The following L3MBTL4 variants were observed in gnomAD, a reference collection of about 807,000 sequenced individuals.
L3MBTL4 encodes lethal(3)malignant brain tumor-like protein 4.
L3MBTL4 carries 70 observed loss-of-function variants against 84.5 expected under a neutral mutation model. The ratio of observed to expected loss-of-function variants is 0.83; its 90% CI spans 0.68 to 1.01. L3MBTL4 has a LOEUF of 1.01. Among genes scored for constraint, L3MBTL4 ranks in the 50% least tolerant of loss-of-function variants. The probability of loss-of-function intolerance (pLI) is 0.00; values close to 1 mark genes in which losing one functional copy is unlikely to be tolerated. For synonymous variants in L3MBTL4, 274 were observed against 259.8 expected, an observed-to-expected ratio of 1.05 and a Z score of -0.52; for missense variants, 715 against 754.8, an observed-to-expected ratio of 0.95 and a Z score of 0.62.
chr18:6,298,643 C>T (rs983785933), intron 4 of L3MBTL4, among the ~76,000 whole-genome samples: 7 of 152,090 alleles, frequency 4.6e-5, no homozygotes, highest in Non-Finnish European at 8.8e-5. Flanking sequence ...GAGGCCAAGG[C>T]GGGTGGATCA....
chr18:6,139,007 T>C (rs1326530434), intron 13 of L3MBTL4, among the ~76,000 whole-genome samples: 2 of 152,234 alleles, frequency 1.3e-5, no homozygotes, highest in African/African-American at 4.8e-5. Flanking sequence ...GGACAGAAAC[T>C]GGGCCAGCAA....
chr18:6,407,398 A>G (rs931053112), intron 1 of L3MBTL4, among the ~76,000 whole-genome samples: 2 of 143,062 alleles, frequency 1.4e-5, no homozygotes, highest in African/African-American at 6.1e-5. Context: ...GAGAAAGGGG[A>G]AAAAAAATCA....
chr18:6,226,397 T>G (rs894386904), intron 10 of L3MBTL4, among the ~76,000 whole-genome samples: 5 of 152,090 alleles, frequency 3.3e-5, no homozygotes, highest in East Asian at 1.9e-4. Flanking sequence ...CAGAGTGAGA[T>G]TCTGCCTCCA....
intron 14 of L3MBTL4, among the ~76,000 whole-genome samples, chr18:6,105,770 A>C (rs1292258679): frequency 6.6e-6 from 1 of 150,872 alleles, no homozygotes; most frequent in Non-Finnish European, 1.5e-5. Flanking sequence ...ATTGCACTCC[A>C]GCATGGGCAA....
At chr18:6,245,349 A>G (rs575941377) in intron 5 of L3MBTL4, among the ~76,000 whole-genome samples, 3 of 152,086 alleles carry the variant, frequency 2.0e-5, no homozygotes, top group Non-Finnish European at 4.4e-5. Flanking sequence ...TGTGTGTCCT[A>G]TGAACTTCCC....
chr18:6,073,753 A>G (rs557340139), intron 16 of L3MBTL4, among the ~76,000 whole-genome samples: 1 of 152,342 alleles, frequency 6.6e-6, no homozygotes, highest in Non-Finnish European at 1.5e-5. Flanking sequence ...GAACTTCACA[A>G]ATTTTGGTCA....
intron 1 of L3MBTL4, among the ~76,000 whole-genome samples, chr18:6,324,378 T>C (rs145885380): frequency 2.6e-4 from 39 of 152,296 alleles, no homozygotes; most frequent in African/African-American, 9.4e-4. Flanking sequence ...TAAAGCAACC[T>C]ACAGCTTGCA....
At chr18:6,277,457 C>T (rs1308790190) in intron 4 of L3MBTL4, among the ~76,000 whole-genome samples, 2 of 152,160 alleles carry the variant, frequency 1.3e-5, no homozygotes, top group Admixed American at 6.5e-5. Flanking sequence ...CACATATCTC[C>T]TTCTGGTTTC....
intron 14 of L3MBTL4, among the ~76,000 whole-genome samples, chr18:6,123,314 G>A (rs2144357914): frequency 6.6e-6 from 1 of 152,254 alleles, no homozygotes; most frequent in Non-Finnish European, 1.5e-5. Flanking sequence ...ACAATATTGA[G>A]ATGGTTTGGC....
intron 4 of L3MBTL4, among the ~76,000 whole-genome samples, chr18:6,270,615 G>C (rs748267110): frequency 6.6e-6 from 1 of 152,164 alleles, no homozygotes; most frequent in African/African-American, 2.4e-5. Flanking sequence ...TCTTTGAGAC[G>C]AAGAGAAATT....
intron 16 of L3MBTL4, among the ~76,000 whole-genome samples, chr18:6,019,848 G>C (rs1280406709): frequency 6.6e-6 from 1 of 152,180 alleles, no homozygotes; most frequent in African/African-American, 2.4e-5. Flanking sequence ...TAGATCATGT[G>C]TGTTTCTATT....
chr18:6,272,727 T>C (rs112479473), intron 4 of L3MBTL4, among the ~76,000 whole-genome samples: 2 of 59,022 alleles, frequency 3.4e-5, no homozygotes, highest in African/African-American at 1.2e-4. Context: ...TACAGAGCGG[T>C]GCCTTCAGGA....
intron 14 of L3MBTL4, among the ~76,000 whole-genome samples, chr18:6,136,320 G>A (rs2060027706): frequency 6.6e-6 from 1 of 152,128 alleles, no homozygotes; most frequent in Non-Finnish European, 1.5e-5. Context: ...GGGTGACTCA[G>A]GAGAATAGGG....
intron 16 of L3MBTL4, among the ~76,000 whole-genome samples, chr18:6,070,543 C>T (rs921615369): frequency 4.2e-5 from 6 of 144,452 alleles, no homozygotes; most frequent in East Asian, 2.1e-4. Flanking sequence ...CTAGGCCAAG[C>T]GCAGTGGCTC....
chr18:6,412,151 C>T (rs1351570682), intron 1 of L3MBTL4, among the ~76,000 whole-genome samples: 1 of 152,046 alleles, frequency 6.6e-6, no homozygotes, highest in East Asian at 1.9e-4. Context: ...TCCCATCCTT[C>T]GATAGGTCCC....
chr18:6,163,300 T>G (rs1472240788), intron 13 of L3MBTL4, among the ~76,000 whole-genome samples: 1 of 125,456 alleles, frequency 8.0e-6, no homozygotes, highest in African/African-American at 4.0e-5. Context: ...TGTGTGTGTG[T>G]GTGTGTGGGT....
At chr18:6,250,910 C>G (rs535141541) in intron 5 of L3MBTL4, among the ~76,000 whole-genome samples, 4 of 152,132 alleles carry the variant, frequency 2.6e-5, no homozygotes, top group Non-Finnish European at 5.9e-5. Flanking sequence ...CAATGTGTCC[C>G]TTGGGGGACA....
rs146296677 is a variant in L3MBTL4, at chr18:6,269,690, T to C, written c.128-5652A>G. 5.4e-3 allele frequency among the ~76,000 whole-genome samples: 817 copies of C among 152,344 alleles called. 6 individuals carry two copies. Among genetic ancestry groups the C allele is most frequent in the Middle Eastern group, 0.01 (3 of 294 alleles). ...TATCGTTATGATCACACATTACTTT[T>C]TAAATATGAATTAAGCGCAGTTTAT... On this transcript the variant is annotated intron_variant, in intron 4 of 18. Transcript: ENST00000317931.
chr18:6,183,107 C>T (rs575073477), intron 12 of L3MBTL4, among the ~76,000 whole-genome samples: 59 of 152,178 alleles, frequency 3.9e-4, no homozygotes, highest in African/African-American at 1.3e-3. Flanking sequence ...ATAAGATTTG[C>T]ACAAGAAATA....
Sources: allele counts gnomAD v4.1 joint callset (sites outside exome capture counted in the v4.1 genomes callset), GRCh38; gene constraint gnomAD v4.1.1; transcripts MANE v1.5; gene names NCBI Gene and HGNC (gene_info 2026-07-23, HGNC 2026-07-21).